The following SDK1 variants were observed in gnomAD, a reference collection of about 807,000 sequenced individuals.
The protein encoded by SDK1 is protein sidekick-1.
In SDK1, 157 loss-of-function variants were observed where a neutral mutation model predicts 245.5. That is an observed-to-expected ratio of 0.64 (90% CI 0.56 to 0.73). The LOEUF (loss-of-function observed/expected upper bound fraction) is 0.73, where lower values mean the gene tolerates loss of function less well. Among genes scored for constraint, SDK1 ranks in the 30% least tolerant of loss-of-function variants. SDK1 has a pLI of 0.00. For synonymous variants in SDK1, 1,647 were observed against 1,278.5 expected, an observed-to-expected ratio of 1.29 and a Z score of -6.15; for missense variants, 3,583 against 3,002.3, an observed-to-expected ratio of 1.19 and a Z score of -4.52.
chr7:3,586,646 A>C (rs1161402384), intron 1 of SDK1, among the ~76,000 whole-genome samples: 1 of 150,292 alleles, frequency 6.7e-6, no homozygotes. Context: ...TGGAGGTTGC[A>C]GTGAGCTGAG....
At chr7:3,715,391 T>C (rs990676302) in intron 4 of SDK1, among the ~76,000 whole-genome samples, 5 of 152,216 alleles carry the variant, frequency 3.3e-5, no homozygotes, top group Non-Finnish European at 5.9e-5. Flanking sequence ...TCTTCCCTCC[T>C]CAGGTGGCAC....
rs112665480 is a variant in SDK1, at chr7:3,536,701, A to G, written c.299-82379A>G. 4.4e-3 allele frequency among the ~76,000 whole-genome samples: 672 copies of G among 152,150 alleles called. 6 individuals carry two copies. Among genetic ancestry groups the G allele is most frequent in the African/African-American group, 0.016 (647 of 41,530 alleles). On this transcript the variant is annotated intron_variant, in intron 1 of 44. Coordinates refer to ENST00000404826, the MANE Select transcript of SDK1 (RefSeq NM_152744.4). ...AGAGTGGGACTCTGTCTCAAAAAAA[A>G]AAACAAAAACAAAAAACAAACCTAT...
intron 4 of SDK1, among the ~76,000 whole-genome samples, chr7:3,748,120 T>C (rs1779676846): frequency 6.6e-6 from 1 of 152,176 alleles, no homozygotes; most frequent in Admixed American, 6.5e-5. Flanking sequence ...TGATAAATGA[T>C]GACATAATAG....
intron 4 of SDK1, among the ~76,000 whole-genome samples, chr7:3,677,612 A>G (rs1316041147): frequency 6.6e-6 from 1 of 152,254 alleles, no homozygotes; most frequent in Non-Finnish European, 1.5e-5. Context: ...CATGGGGATT[A>G]TTAAAATTCA....
chr7:4,263,541 C>T (rs1217482847), intron 44 of SDK1, among the ~76,000 whole-genome samples: 5 of 83,266 alleles, frequency 6.0e-5, no homozygotes, highest in African/African-American at 1.6e-4. Context: ...GCCGCGTAGA[C>T]GCCTCCTGAG....
intron 1 of SDK1, among the ~76,000 whole-genome samples, chr7:3,474,532 T>C (rs1037771553): frequency 6.6e-6 from 1 of 152,112 alleles, no homozygotes; most frequent in Non-Finnish European, 1.5e-5. Context: ...TTTAACAGTC[T>C]TCTATCACAT....
rs768334258 is a variant in SDK1 at position 4,017,290 on chromosome 7, C to T, written c.2540C>T (p.Ala847Val). ...ACACAGTATGAGATACAGGTGGCGG[C>T]GTACAACGGGGCCGGTCTGGGCGTC... ...IWTQYEIQVA[A>V]YNGAGLGVFS... Residue 847 changes from alanine (A) to valine (V), a missense_variant, in exon 17 of 45, where the codon GCG (alanine) becomes GTG (valine). Ala to Val is a moderately conservative substitution (Grantham distance 64). Transcript: ENST00000404826. 6.2e-6 allele frequency: 10 copies of T among 1,613,912 alleles called. No individual in the cohort carries two copies. The highest frequency in any genetic ancestry group is 1.1e-5 in the South Asian group (1 of 91,060).
At chr7:4,152,231 A>G (rs905135387) in intron 30 of SDK1, among the ~76,000 whole-genome samples, 8 of 151,836 alleles carry the variant, frequency 5.3e-5, no homozygotes, top group Admixed American at 3.3e-4. Flanking sequence ...CCAGCATCTC[A>G]CTTGCCCTTT....
rs530378345 is a variant in SDK1 at position 4,085,051 on chromosome 7, C to T, written c.3324+5467C>T. On this transcript the variant is annotated intron_variant, in intron 22 of 44. Transcript: ENST00000404826. ...AGTGCTGGGATTACAGGTGTGAGCC[C>T]ACTGCGCCCAGCCTAAATGTATATT... is the stretch of plus-strand genomic sequence containing the variant. Among the ~76,000 whole-genome samples, 33 of 152,158 alleles carry T rather than the reference C, an allele frequency of 2.2e-4. 1 individual carries two copies. Among genetic ancestry groups the T allele is most frequent in the African/African-American group, 7.7e-4 (32 of 41,518 alleles).
At chr7:3,718,978 G>A (rs1330333303) in intron 4 of SDK1, among the ~76,000 whole-genome samples, 1 of 152,078 alleles carries the variant, frequency 6.6e-6, no homozygotes, top group Admixed American at 6.5e-5. Context: ...ATATAATAAC[G>A]CGTGGAAACC....
At chr7:3,909,161 G>C (rs2128108051) in intron 5 of SDK1, among the ~76,000 whole-genome samples, 1 of 152,346 alleles carries the variant, frequency 6.6e-6, no homozygotes, top group African/African-American at 2.4e-5. Context: ...AAGGGTCCAA[G>C]GCAGACCATC....
intron 28 of SDK1, among the ~76,000 whole-genome samples, chr7:4,140,916 A>G (rs929423058): frequency 3.3e-5 from 5 of 152,220 alleles, no homozygotes; most frequent in Non-Finnish European, 7.3e-5. Flanking sequence ...AGCCTGTGCA[A>G]CATAGTGAGA....
chr7:3,865,774 A>G (rs546147142), intron 5 of SDK1, among the ~76,000 whole-genome samples: 9 of 152,078 alleles, frequency 5.9e-5, no homozygotes, highest in African/African-American at 2.2e-4. Flanking sequence ...CTGGGATTAC[A>G]GGCATGAGCC....
At chr7:3,449,145 G>C (rs771709794) in intron 1 of SDK1, among the ~76,000 whole-genome samples, 35 of 152,198 alleles carry the variant, frequency 2.3e-4, no homozygotes, top group Non-Finnish European at 4.6e-4. Context: ...TACAACATAA[G>C]CTCTGTAGGA....
intron 1 of SDK1, among the ~76,000 whole-genome samples, chr7:3,549,928 A>G (rs1368934553): frequency 6.6e-6 from 1 of 152,206 alleles, no homozygotes; most frequent in African/African-American, 2.4e-5. Flanking sequence ...TGCATGTGGC[A>G]TGAAAATGAA....
At chr7:4,246,466 C>T (rs1426452300) in intron 44 of SDK1, among the ~76,000 whole-genome samples, 1 of 152,110 alleles carries the variant, frequency 6.6e-6, no homozygotes, top group African/African-American at 2.4e-5. Flanking sequence ...AATTGGTGGT[C>T]TGTAGACCCC....
Position 3,346,807 on chromosome 7 carries a change from G to A in SDK1, c.298+44923G>A, listed in dbSNP as rs199578718. ...TATATATGTATGTGTGTGTGTGTGT[G>A]TATATATATATATATATATATTTTT... On this transcript the variant is annotated intron_variant, in intron 1 of 44. Coordinates refer to ENST00000404826, the MANE Select transcript of SDK1 (RefSeq NM_152744.4). Among the ~76,000 whole-genome samples the A allele has an allele frequency of 8.1e-4, 34 of 42,228 alleles. No individual in the cohort carries two copies. The East Asian group carries it at 0.011, about 13-fold the overall frequency. The allele number at this position is 42,228 out of a possible 152,430, so 27.7% of individuals were successfully genotyped here. A position where few individuals can be genotyped will look rare whatever the true frequency, so the allele number is the denominator to read the frequency against.
At chr7:3,684,015 T>C (rs1006348235) in intron 4 of SDK1, among the ~76,000 whole-genome samples, 6 of 152,070 alleles carry the variant, frequency 3.9e-5, no homozygotes, top group African/African-American at 7.2e-5. Flanking sequence ...TGAAAGGTAA[T>C]GTGCATCTCC....
intron 1 of SDK1, among the ~76,000 whole-genome samples, chr7:3,467,693 T>G (rs1333161872): frequency 6.6e-6 from 1 of 152,174 alleles, no homozygotes; most frequent in East Asian, 1.9e-4. Flanking sequence ...TCGTTTGTGA[T>G]TTCTTTCCAT....
Sources: gnomAD v4.1 joint callset for allele counts (sites outside exome capture counted in the v4.1 genomes callset) on GRCh38, gnomAD v4.1.1 for gene constraint, MANE v1.5 for transcripts, NCBI Gene and HGNC (gene_info 2026-07-23, HGNC 2026-07-21) for gene names.